Variants in B2M observed in about 807,000 individuals in gnomAD.
B2M encodes the protein beta chain of MHC class I molecules.
B2M carries 3 observed loss-of-function variants against 14.5 expected under a neutral mutation model. That is an observed-to-expected ratio of 0.21 (90% CI 0.09 to 0.53). B2M has a LOEUF of 0.53. B2M is among the 20% of genes least tolerant of loss of function. The probability of loss-of-function intolerance (pLI) is 0.95; values close to 1 mark genes in which losing one functional copy is unlikely to be tolerated. For missense variants in B2M, 107 were observed against 140.8 expected (o/e 0.76, Z 1.21); for synonymous variants, 45 against 52.7 (o/e 0.85, Z 0.64).
At chr15:44,715,141 A>C in intron 1 of B2M, 2 of 510,480 alleles carry the variant, frequency 3.9e-6, no homozygotes, top group South Asian at 4.2e-5. Context: ...AATGCAGCGC[A>C]ATCTCCAGTG....
chr15:44,716,050 C>T lies in B2M; in HGVS notation c.347-279C>T, dbSNP rs943339917. 8.8e-5 allele frequency: 53 copies of T among 600,522 alleles called. No individual in the cohort carries two copies. The East Asian group carries it at 1.2e-3, about 14-fold the overall frequency. The allele number at this position is 600,522 out of a possible 1,614,324, so 37.2% of individuals were successfully genotyped here. On this transcript the variant is annotated intron_variant, in intron 2 of 3. Transcript: ENST00000648006. ...AGCTTCAGGTATATTTAGCACTGAA[C>T]GAACATCTCAAGAAGGTATAGGCCT... is the stretch of plus-strand genomic sequence containing the variant.
chr15:44,712,138 G>A (rs1041517134), intron 1 of B2M: 15 of 263,782 alleles, frequency 5.7e-5, no homozygotes, highest in Non-Finnish European at 9.1e-5. Context: ...CTAGGCGCCC[G>A]CTAAGTTCGC....
chr15:44,715,859 G>A (rs1231709810), intron 2 of B2M, 158 bp downstream of exon 2: 3 of 970,792 alleles, frequency 3.1e-6, no homozygotes, highest in Non-Finnish European at 4.7e-6. Context: ...GTCAGGGAAT[G>A]TTCTTAAAGA....
Position 44,716,371 on chromosome 15 carries a change from T to G in B2M, c.*14+15T>G, listed in dbSNP as rs1256992842. The stretch of plus-strand genomic sequence containing the variant: ...GCATCATGGAGGTAAGTTTTTGACC[T>G]TGAGAAAATGTTTTTGTTTCACTGT... On this transcript the variant is annotated intron_variant, in intron 3 of 3. Transcript: ENST00000648006. 3 of 1,603,946 alleles carry G rather than the reference T, an allele frequency of 1.9e-6. No individual in the cohort carries two copies. Among genetic ancestry groups the G allele is most frequent in the Non-Finnish European group, 1.7e-6 (2 of 1,170,830 alleles).
rs773699157 is a variant in B2M at position 44,711,658 on chromosome 15, CT to C, written c.67+46del. ...CCGCTCTGGTCCTTCCTCTCCCGCTCTGCACCCTCTGTGGCCCTCGCTGTGC... is the reference window on the plus strand; with the variant it reads ...CCGCTCTGGTCCTTCCTCTCCCGCTCGCACCCTCTGTGGCCCTCGCTGTGC... On this transcript the variant is annotated intron_variant, in intron 1 of 3. Transcript: ENST00000648006. 4.4e-6 allele frequency: 7 copies of C among 1,580,392 alleles called. No individual in the cohort carries two copies. In the African/African-American group the frequency reaches 9.4e-5, roughly 21 times the overall value.
chr15:44,715,820 C>A, intron 2 of B2M, 119 bp downstream of exon 2: 2 of 1,214,852 alleles, frequency 1.6e-6, no homozygotes, highest in South Asian at 2.5e-5. Context: ...CCCATCCCAT[C>A]TGATATAAAC....
chr15:44,712,368 C>T (rs980404758), intron 1 of B2M, among the ~76,000 whole-genome samples: 1 of 152,188 alleles, frequency 6.6e-6, no homozygotes, highest in African/African-American at 2.4e-5. Context: ...ATTTTGAAAA[C>T]AGTTATCTTC....
Position 44,715,674 on chromosome 15 carries a change from T to C in B2M, c.319T>C (p.Leu107=), listed in dbSNP as rs1485087276. The change falls in exon 2 of 4, where the codon TTG becomes CTG. Residue 107 remains leucine, a synonymous_variant. Coordinates refer to ENST00000648006, the MANE Select transcript of B2M (RefSeq NM_004048.4). The stretch of plus-strand genomic sequence containing the variant: ...TGCCTGCCGTGTGAACCATGTGACT[T>C]TGTCACAGCCCAAGATAGTTAAGTG... ...EYACRVNHVT[L]SQPKIVKWDR... 1 of 1,614,230 alleles carries C rather than the reference T, an allele frequency of 6.2e-7. No individual in the cohort carries two copies. Among genetic ancestry groups the C allele is most frequent in the Non-Finnish European group, 8.5e-7 (1 of 1,180,042 alleles).
intron 3 of B2M, chr15:44,716,980 C>T (rs1212660888): frequency 6.5e-6 from 1 of 152,856 alleles, no homozygotes; most frequent in East Asian, 1.9e-4. Flanking sequence ...TGAAATTCTA[C>T]TGCCCAGGGT....
intron 1 of B2M, chr15:44,713,374 A>G (rs981681269): frequency 1.3e-5 from 2 of 152,276 alleles, no homozygotes; most frequent in Non-Finnish European, 2.9e-5. Context: ...GAAAATTTCC[A>G]AAGTAATACA....
chr15:44,711,709 T>A, intron 1 of B2M, 96 bp downstream of exon 1: 1 of 1,421,740 alleles, frequency 7.0e-7, no homozygotes, highest in Non-Finnish European at 9.8e-7. Flanking sequence ...ACTTCCCTTC[T>A]CCAAGTTCTC....
intron 1 of B2M, chr15:44,714,920 A>C: frequency 4.9e-6 from 1 of 204,128 alleles, no homozygotes. Context: ...CCAAAAAGAA[A>C]GGCATAAACA....
In B2M at chr15:44,715,595, G is replaced by A; in HGVS notation, c.240G>A (p.Trp80Ter). 1 of 1,614,158 alleles carries A rather than the reference G, an allele frequency of 6.2e-7. No homozygotes were observed. Among genetic ancestry groups the A allele is most frequent in the Non-Finnish European group, 8.5e-7 (1 of 1,180,018 alleles). Residue 80 changes from tryptophan to a stop codon, truncating the protein, a stop_gained, in exon 2 of 4, where the codon TGG becomes TGA. Transcript: ENST00000648006. LOFTEE classifies it high-confidence loss of function. ...EHSDLSFSKDWSFYLLYYTEF... is the reference protein window; with the variant it reads ...EHSDLSFSKD ...CAGACTTGTCTTTCAGCAAGGACTGGTCTTTCTATCTCTTGTACTACACTG... is the reference window on the plus strand; with the variant it reads ...CAGACTTGTCTTTCAGCAAGGACTGATCTTTCTATCTCTTGTACTACACTG...
In B2M at chr15:44,718,048, A is replaced by C. The variant is rs1392779246; in HGVS notation, c.*456A>C. On this transcript the variant is annotated 3_prime_UTR_variant, in exon 4 of 4. Coordinates refer to ENST00000648006, the MANE Select transcript of B2M (RefSeq NM_004048.4). ...TGAATGAAACATTTTGTCATATAAG[A>C]TTCATATTTACTTCTTATACATTTG... 6.6e-6 allele frequency: 1 copy of C among 152,216 alleles called. No homozygotes were observed. The highest frequency in any genetic ancestry group is 1.5e-5 in the Non-Finnish European group (1 of 68,048). 9.4% of individuals were successfully genotyped at this position (152,216 alleles called of 1,614,324 possible).
intron 1 of B2M, chr15:44,713,467 A>G (rs905066012): frequency 2.6e-5 from 4 of 152,168 alleles, no homozygotes; most frequent in Non-Finnish European, 5.9e-5. Flanking sequence ...TCCTCCTCTG[A>G]CCTGTGTGTG....
At chr15:44,715,333 A>C (rs1463227385) in intron 1 of B2M, 90 bp from the exon 2 acceptor site, 2 of 1,444,276 alleles carry the variant, frequency 1.4e-6, no homozygotes, top group Non-Finnish European at 1.9e-6. Flanking sequence ...CCAAATGTAA[A>C]CACTTGGTGC....
Position 44,715,492 on chromosome 15 carries a change from A to C in B2M, c.137A>C (p.Tyr46Ser). The C allele has an allele frequency of 6.2e-7, 1 of 1,614,150 alleles. No homozygotes were observed. The highest frequency in any genetic ancestry group is 8.5e-7 in the Non-Finnish European group (1 of 1,179,996). Residue 46 changes from tyrosine (Y) to serine (S), a missense_variant, in exon 2 of 4, where the codon TAT becomes TCT. Coordinates refer to ENST00000648006, the MANE Select transcript of B2M (RefSeq NM_004048.4). ...GGAAAGTCAAATTTCCTGAATTGCT[A>C]TGTGTCTGGGTTTCATCCATCCGAC... ...ENGKSNFLNCYVSGFHPSDIE... is the reference protein window; with the variant it reads ...ENGKSNFLNCSVSGFHPSDIE...
chr15:44,717,732 C>A lies in B2M; in HGVS notation c.*140C>A, dbSNP rs925766367. The A allele has an allele frequency of 1.3e-5, 2 of 152,322 alleles. No individual in the cohort carries two copies. The highest frequency in any genetic ancestry group is 6.5e-5 in the Admixed American group (1 of 15,296). 9.4% of individuals were successfully genotyped at this position (152,322 alleles called of 1,614,324 possible). ...AGGGTTATAATAATGTTAACATGGACATGATCTTCTTTATAATTCTACTTT... is the reference window on the plus strand; with the variant it reads ...AGGGTTATAATAATGTTAACATGGAAATGATCTTCTTTATAATTCTACTTT... On this transcript the variant is annotated 3_prime_UTR_variant, in exon 4 of 4. Coordinates refer to ENST00000648006, the MANE Select transcript of B2M (RefSeq NM_004048.4).
chr15:44,715,547 G>C lies in B2M; in HGVS notation c.192G>C (p.Glu64Asp), dbSNP rs2086931603. Residue 64 changes from glutamate to aspartate, a missense_variant, in exon 2 of 4, where the codon GAG becomes GAC. Coordinates refer to ENST00000648006, the MANE Select transcript of B2M (RefSeq NM_004048.4). ...DIEVDLLKNG[E>D]RIEKVEHSDL... Reference sequence around the variant, plus strand: ...AAGTTGACTTACTGAAGAATGGAGAGAGAATTGAAAAAGTGGAGCATTCAG... The same window carrying C: ...AAGTTGACTTACTGAAGAATGGAGACAGAATTGAAAAAGTGGAGCATTCAG... The C allele has an allele frequency of 1.9e-6, 3 of 1,614,194 alleles. No individual in the cohort carries two copies. The East Asian group carries it at 6.7e-5, about 36-fold the overall frequency.
Sources: gnomAD v4.1 joint callset for allele counts (sites outside exome capture counted in the v4.1 genomes callset) on GRCh38, gnomAD v4.1.1 for gene constraint, MANE v1.5 for transcripts, NCBI Gene and HGNC (gene_info 2026-07-23, HGNC 2026-07-21) for gene names.